TMEM117: variants seen among roughly 807,000 people sequenced by gnomAD.
TMEM117 encodes the protein transmembrane protein 117.
In TMEM117, 27 loss-of-function variants were observed where a neutral mutation model predicts 52.4. That is an observed-to-expected ratio of 0.51 (90% confidence interval 0.38 to 0.71). TMEM117 has a LOEUF of 0.71. Among genes scored for constraint, TMEM117 ranks in the 30% least tolerant of loss-of-function variants. The probability of loss-of-function intolerance (pLI) is 0.00; values close to 1 mark genes in which losing one functional copy is unlikely to be tolerated. For missense variants in TMEM117, 556 were observed against 630.5 expected, an observed-to-expected ratio of 0.88 and a Z score of 1.26; for synonymous variants, 215 against 206.3, an observed-to-expected ratio of 1.04 and a Z score of -0.36.
At chr12:43,991,593 G>A (rs1053792081) in intron 3 of TMEM117, among the ~76,000 whole-genome samples, 4 of 152,096 alleles carry the variant, frequency 2.6e-5, no homozygotes, top group Non-Finnish European at 5.9e-5. Context: ...TGTATATAAT[G>A]AGGAACTGGC....
chr12:43,910,192 A>G (rs1377986816), intron 2 of TMEM117, among the ~76,000 whole-genome samples: 1 of 151,254 alleles, frequency 6.6e-6, no homozygotes, highest in Non-Finnish European at 1.5e-5. Context: ...GGTTCAATAT[A>G]TGCAAATCAA....
chr12:43,874,426 CAA>C (rs11436135), intron 2 of TMEM117, among the ~76,000 whole-genome samples: 7 of 143,992 alleles, frequency 4.9e-5, no homozygotes, highest in African/African-American at 1.8e-4. Flanking sequence ...ACTAAAAGTA[CAA>C]AAAAAAAAAA....
At chr12:43,991,985 C>T (rs944017814) in intron 3 of TMEM117, among the ~76,000 whole-genome samples, 1 of 152,016 alleles carries the variant, frequency 6.6e-6, no homozygotes, top group Admixed American at 6.6e-5. Context: ...CATGGTGAAA[C>T]CCCATCTCTA....
chr12:43,918,156 G>A (rs1021608781), intron 2 of TMEM117, among the ~76,000 whole-genome samples: 4 of 152,170 alleles, frequency 2.6e-5, no homozygotes, highest in African/African-American at 4.8e-5. Context: ...TGCCTGCAGA[G>A]TGCTGTGATT....
intron 4 of TMEM117, among the ~76,000 whole-genome samples, chr12:44,195,778 A>G (rs1949410696): frequency 6.6e-6 from 1 of 152,020 alleles, no homozygotes; most frequent in South Asian, 2.1e-4. Context: ...ATTAGGCTGG[A>G]TATGGTAGCT....
chr12:44,127,652 G>C (rs540219763), intron 3 of TMEM117, among the ~76,000 whole-genome samples: 2 of 152,024 alleles, frequency 1.3e-5, no homozygotes, highest in East Asian at 3.9e-4. Context: ...CTCCAGCCTG[G>C]GCAACAAGAG....
intron 6 of TMEM117, among the ~76,000 whole-genome samples, chr12:44,302,913 G>T (rs1428379555): frequency 1.3e-5 from 2 of 152,128 alleles, no homozygotes; most frequent in Admixed American, 6.5e-5. Context: ...CCAGATGAAA[G>T]AAAAATAAAG....
At chr12:44,397,137 A>G in the TMEM117 span, among the ~76,000 whole-genome samples, 1 of 152,206 alleles carries the variant, frequency 6.6e-6, no homozygotes, top group African/African-American at 2.4e-5. Flanking sequence ...AGAGCAAACC[A>G]GGACAAAGCA....
intron 2 of TMEM117, among the ~76,000 whole-genome samples, chr12:43,853,364 T>A (rs1361622073): frequency 1.3e-5 from 2 of 152,178 alleles, no homozygotes; most frequent in African/African-American, 4.8e-5. Flanking sequence ...CAACCTCTGC[T>A]TCCCAGGTTC....
chr12:44,138,393 G>A (rs1948522353), intron 3 of TMEM117, among the ~76,000 whole-genome samples: 1 of 152,108 alleles, frequency 6.6e-6, no homozygotes, highest in Non-Finnish European at 1.5e-5. Context: ...AGGAAAGGGA[G>A]AAATTGATGT....
intron 6 of TMEM117, among the ~76,000 whole-genome samples, chr12:44,341,024 G>C (rs775439005): frequency 5.3e-5 from 8 of 151,856 alleles, no homozygotes; most frequent in Non-Finnish European, 1.2e-4. Flanking sequence ...TTTTTAGACA[G>C]GATTTTACTC....
intron 7 of TMEM117, among the ~76,000 whole-genome samples, chr12:44,381,014 A>G (rs1952012587): frequency 6.6e-6 from 1 of 152,156 alleles, no homozygotes; most frequent in Non-Finnish European, 1.5e-5. Flanking sequence ...TTTAATCCTG[A>G]TTCCAAGCTA....
chr12:44,196,693 G>A (rs536675653), intron 4 of TMEM117, among the ~76,000 whole-genome samples: 1 of 152,080 alleles, frequency 6.6e-6, no homozygotes, highest in Non-Finnish European at 1.5e-5. Context: ...ACACATTTAG[G>A]TCGTTGCTTT....
At chr12:44,350,059 A>G (rs1006717421) in intron 6 of TMEM117, among the ~76,000 whole-genome samples, 6 of 152,138 alleles carry the variant, frequency 3.9e-5, no homozygotes, top group African/African-American at 1.4e-4. Context: ...TTCTTATCCA[A>G]AGCATATGCC....
intron 2 of TMEM117, among the ~76,000 whole-genome samples, chr12:43,915,607 C>CT (rs1160678078): frequency 6.6e-6 from 1 of 152,124 alleles, no homozygotes; most frequent in Admixed American, 6.6e-5. Context: ...AGGCCAGTGA[C>CT]TATCTGCTGG....
At chr12:44,184,029 G>T (rs985672165) in intron 4 of TMEM117, among the ~76,000 whole-genome samples, 1 of 152,136 alleles carries the variant, frequency 6.6e-6, no homozygotes, top group East Asian at 1.9e-4. Flanking sequence ...TGGAATTCAG[G>T]TTACTAATCA....
intron 2 of TMEM117, among the ~76,000 whole-genome samples, chr12:43,938,243 A>T (rs1229930866): frequency 6.8e-6 from 1 of 147,710 alleles, no homozygotes; most frequent in African/African-American, 2.5e-5. Context: ...ATTATATATT[A>T]TTATATATTA....
chr12:43,904,773 T>C (rs548284410), intron 2 of TMEM117, among the ~76,000 whole-genome samples: 27 of 152,368 alleles, frequency 1.8e-4, no homozygotes, highest in African/African-American at 6.2e-4. Context: ...TACATTGTTA[T>C]ACCAAGCAGT....
At chr12:44,282,378 G>C (rs1950588708) in intron 5 of TMEM117, among the ~76,000 whole-genome samples, 2 of 152,108 alleles carry the variant, frequency 1.3e-5, no homozygotes, top group South Asian at 4.1e-4. Context: ...GGAAAATATG[G>C]GAAAGTTTGG....
Sources: allele counts gnomAD v4.1 joint callset (sites outside exome capture counted in the v4.1 genomes callset), GRCh38; gene constraint gnomAD v4.1.1; transcripts MANE v1.5; gene names NCBI Gene and HGNC (gene_info 2026-07-23, HGNC 2026-07-21).